The following RALYL variants were observed in gnomAD, a reference collection of about 807,000 sequenced individuals.
RALYL encodes the protein RNA-binding Raly-like protein.
A neutral mutation model predicts 35.1 loss-of-function variants in RALYL; 29 were observed. The ratio of observed to expected loss-of-function variants is 0.83; its 90% confidence interval spans 0.61 to 1.13. The LOEUF is 1.13. Ranked by LOEUF, RALYL falls within the 50% of genes most tolerant of loss-of-function variation. The probability of loss-of-function intolerance (pLI) is 0.00; values close to 1 mark genes in which losing one functional copy is unlikely to be tolerated. For missense variants in RALYL, 359 were observed against 360.4 expected (o/e 1.00, Z 0.03); for synonymous variants, 120 against 127.6 (o/e 0.94, Z 0.40).
intron 2 of RALYL, among the ~76,000 whole-genome samples, chr8:84,727,772 T>A (rs1387987436): frequency 1.3e-5 from 2 of 151,938 alleles, no homozygotes; most frequent in East Asian, 3.9e-4. Flanking sequence ...TGATTTCCAA[T>A]TTCATCCATG....
At chr8:84,475,399 T>A (rs2053279386) in intron 1 of RALYL, among the ~76,000 whole-genome samples, 1 of 151,764 alleles carries the variant, frequency 6.6e-6, no homozygotes, top group South Asian at 2.1e-4. Flanking sequence ...TTTTGTAATT[T>A]ATTGGAGACA....
intron 1 of RALYL, among the ~76,000 whole-genome samples, chr8:84,411,109 A>G (rs1586943876): frequency 6.6e-6 from 1 of 151,934 alleles, no homozygotes; most frequent in East Asian, 1.9e-4. Context: ...ATCAGAACAA[A>G]TTTTCTCAAA....
At chr8:84,341,158 ATT>A (rs11291365) in intron 1 of RALYL, among the ~76,000 whole-genome samples, 1,732 of 127,812 alleles carry the variant, frequency 0.014, 24 homozygotes, top group South Asian at 0.037. Flanking sequence ...TAACCAGGTG[ATT>A]TTTTTTTTTT....
intron 4 of RALYL, among the ~76,000 whole-genome samples, chr8:84,820,590 G>A (rs1002542578): frequency 2.4e-4 from 36 of 152,026 alleles, no homozygotes; most frequent in African/African-American, 8.7e-4. Context: ...GAACATGCAG[G>A]TGTGTTGCAT....
At chr8:84,278,962 G>A (rs1255225399) in intron 1 of RALYL, among the ~76,000 whole-genome samples, 1 of 152,158 alleles carries the variant, frequency 6.6e-6, no homozygotes, top group Non-Finnish European at 1.5e-5. Context: ...CTCACTCCTG[G>A]TACCAATTTA....
intron 2 of RALYL, among the ~76,000 whole-genome samples, chr8:84,666,264 T>A (rs1290715043): frequency 6.6e-6 from 1 of 152,104 alleles, no homozygotes; most frequent in Admixed American, 6.6e-5. Context: ...AGTCTTTTAC[T>A]TCTGAGACCA....
intron 1 of RALYL, among the ~76,000 whole-genome samples, chr8:84,498,494 G>A (rs181328448): frequency 6.6e-6 from 1 of 152,064 alleles, no homozygotes; most frequent in Admixed American, 6.6e-5. Flanking sequence ...TGTTAACATG[G>A]CACCTCAAAT....
At chr8:84,224,201 G>A (rs561508992) in intron 1 of RALYL, among the ~76,000 whole-genome samples, 9 of 152,156 alleles carry the variant, frequency 5.9e-5, no homozygotes, top group South Asian at 2.1e-4. Flanking sequence ...CAATATTTTC[G>A]TCCACATCAG....
chr8:84,389,949 T>C (rs1860226608), intron 1 of RALYL, among the ~76,000 whole-genome samples: 1 of 151,940 alleles, frequency 6.6e-6, no homozygotes, highest in Non-Finnish European at 1.5e-5. Context: ...CTTCCAGTTT[T>C]TGCCCATTCA....
At chr8:84,554,751 G>T (rs918165406) in intron 2 of RALYL, among the ~76,000 whole-genome samples, 1 of 152,100 alleles carries the variant, frequency 6.6e-6, no homozygotes, top group Admixed American at 6.6e-5. Context: ...ATTCAACAGT[G>T]CCTCGTCTCT....
chr8:84,691,456 T>C (rs1838034061), intron 2 of RALYL, among the ~76,000 whole-genome samples: 1 of 152,082 alleles, frequency 6.6e-6, no homozygotes. Context: ...TTTATTTTCA[T>C]CATTAAGTAG....
chr8:84,357,085 A>G (rs1259618173), intron 1 of RALYL, among the ~76,000 whole-genome samples: 1 of 152,082 alleles, frequency 6.6e-6, no homozygotes, highest in East Asian at 1.9e-4. Context: ...TTTCCTGATT[A>G]ATATTTTACT....
intron 2 of RALYL, among the ~76,000 whole-genome samples, chr8:84,534,611 T>C (rs2059478933): frequency 6.6e-6 from 1 of 151,878 alleles, no homozygotes; most frequent in Admixed American, 6.6e-5. Context: ...AGATGGTTAG[T>C]AGGAGGAATG....
intron 2 of RALYL, among the ~76,000 whole-genome samples, chr8:84,643,563 C>A (rs1826848099): frequency 6.6e-6 from 1 of 152,008 alleles, no homozygotes; most frequent in Non-Finnish European, 1.5e-5. Flanking sequence ...CACAGGCATC[C>A]CTATGCCCCA....
At chr8:84,518,132 G>A (rs1050926403) in intron 1 of RALYL, among the ~76,000 whole-genome samples, 3 of 152,122 alleles carry the variant, frequency 2.0e-5, no homozygotes, top group Non-Finnish European at 4.4e-5. Flanking sequence ...GACAACAAAT[G>A]TCTAGTGAAC....
chr8:84,289,072 C>T (rs1371112545), intron 1 of RALYL, among the ~76,000 whole-genome samples: 3 of 151,962 alleles, frequency 2.0e-5, no homozygotes, highest in Admixed American at 2.0e-4. Context: ...ATTAGCTTCA[C>T]CCAAAGGAAA....
intron 2 of RALYL, among the ~76,000 whole-genome samples, chr8:84,750,941 C>T (rs183507983): frequency 6.1e-4 from 93 of 152,274 alleles, no homozygotes; most frequent in Non-Finnish European, 1.2e-3. Flanking sequence ...TGAACTAAGA[C>T]TCCCTCTTTT....
chr8:84,448,761 C>T (rs1247369507), intron 1 of RALYL, among the ~76,000 whole-genome samples: 1 of 151,972 alleles, frequency 6.6e-6, no homozygotes, highest in African/African-American at 2.4e-5. Context: ...CCTCTTATAG[C>T]GTAAAAATCT....
At chr8:84,266,915 G>C (rs950234102) in intron 1 of RALYL, among the ~76,000 whole-genome samples, 4 of 145,906 alleles carry the variant, frequency 2.7e-5, no homozygotes, top group Non-Finnish European at 6.0e-5. Context: ...AGCCGAGATC[G>C]CGCCACTGCA....
Sources: allele counts gnomAD v4.1 joint callset (sites outside exome capture counted in the v4.1 genomes callset), GRCh38; gene constraint gnomAD v4.1.1; transcripts MANE v1.5; gene names NCBI Gene and HGNC (gene_info 2026-07-23, HGNC 2026-07-21).